Variants in ADAMTS17 observed in about 807,000 individuals in gnomAD.
ADAMTS17 encodes A disintegrin and metalloproteinase with thrombospondin motifs 17.
ADAMTS17 carries 113 observed loss-of-function variants against 141.5 expected under a neutral mutation model. The observed-to-expected ratio is 0.80, with a 90% confidence interval of 0.69 to 0.93. The LOEUF (loss-of-function observed/expected upper bound fraction) is 0.93. Ranked by LOEUF, ADAMTS17 falls within the 40% of genes least tolerant of loss-of-function variation. The pLI is 0.00. For missense variants in ADAMTS17, 1,659 were observed against 1,517.9 expected (o/e 1.09, Z -1.54); for synonymous variants, 768 against 630.6 (o/e 1.22, Z -3.27).
chr15:100,222,787 C>A (rs565806954), intron 7 of ADAMTS17, among the ~76,000 whole-genome samples: 1 of 152,238 alleles, frequency 6.6e-6, no homozygotes, highest in Non-Finnish European at 1.5e-5. Context: ...ATGATGCCAA[C>A]GTGGCTGCCA....
chr15:100,059,172 T>C (rs745442761), intron 15 of ADAMTS17, among the ~76,000 whole-genome samples: 1 of 152,128 alleles, frequency 6.6e-6, no homozygotes, highest in Non-Finnish European at 1.5e-5. Context: ...AGCCGATGAG[T>C]TGGAGAACTC....
chr15:100,056,993 C>T (rs1273366004), intron 15 of ADAMTS17, among the ~76,000 whole-genome samples: 3 of 152,024 alleles, frequency 2.0e-5, no homozygotes, highest in South Asian at 2.1e-4. Flanking sequence ...TTCAGCTGAG[C>T]GTGTAAGACA....
intron 14 of ADAMTS17, among the ~76,000 whole-genome samples, chr15:100,099,148 G>T (rs1220948953): frequency 6.6e-6 from 1 of 152,164 alleles, no homozygotes; most frequent in Non-Finnish European, 1.5e-5. Flanking sequence ...ATACAGCGTT[G>T]CCCTTTCAGT....
chr15:100,043,204 C>T (rs930308058), intron 18 of ADAMTS17, among the ~76,000 whole-genome samples: 3 of 152,136 alleles, frequency 2.0e-5, no homozygotes, highest in Non-Finnish European at 4.4e-5. Context: ...GGGCAGGGAG[C>T]CAGGCACTTG....
At chr15:100,245,479 C>T (rs2042958963) in intron 7 of ADAMTS17, among the ~76,000 whole-genome samples, 1 of 152,208 alleles carries the variant, frequency 6.6e-6, no homozygotes, top group Admixed American at 6.5e-5. Flanking sequence ...CTGTCTAGTT[C>T]CAAAGTAAAT....
intron 15 of ADAMTS17, chr15:100,074,262 CT>C (rs1443676314): frequency 6.6e-6 from 1 of 152,166 alleles, no homozygotes; most frequent in East Asian, 1.9e-4. Flanking sequence ...GAATGTACAC[CT>C]TTGTTTTGTT....
At chr15:100,051,473 G>T in intron 17 of ADAMTS17, 99 bp downstream of exon 17, 2 of 1,520,046 alleles carry the variant, frequency 1.3e-6, no homozygotes, top group Non-Finnish European at 1.8e-6. Flanking sequence ...GGAGCTACAG[G>T]TTGCAGATGT....
intron 3 of ADAMTS17, among the ~76,000 whole-genome samples, chr15:100,296,427 CAA>C (rs956853016): frequency 2.6e-5 from 4 of 151,284 alleles, no homozygotes; most frequent in African/African-American, 4.9e-5. Flanking sequence ...TTTTTTTTTC[CAA>C]AAGGCAAAAA....
chr15:100,113,377 G>C (rs1217370110), intron 13 of ADAMTS17, among the ~76,000 whole-genome samples: 2 of 152,176 alleles, frequency 1.3e-5, no homozygotes, highest in Non-Finnish European at 2.9e-5. Context: ...GTGAGCTCTA[G>C]GTAGTGTCAG....
intron 2 of ADAMTS17, among the ~76,000 whole-genome samples, chr15:100,335,899 G>A (rs567551689): frequency 2.0e-5 from 3 of 152,270 alleles, no homozygotes; most frequent in African/African-American, 7.2e-5. Flanking sequence ...ATGCATCTGG[G>A]GACCTGTGCA....
chr15:100,316,168 T>C (rs542607611), intron 3 of ADAMTS17, among the ~76,000 whole-genome samples: 19 of 152,316 alleles, frequency 1.2e-4, no homozygotes, highest in South Asian at 4.1e-4. Flanking sequence ...GCACTGTGCA[T>C]TGATGGAATC....
intron 3 of ADAMTS17, among the ~76,000 whole-genome samples, chr15:100,312,462 G>T (rs1287833885): frequency 6.6e-6 from 1 of 152,208 alleles, no homozygotes; most frequent in Admixed American, 6.5e-5. Flanking sequence ...GAAACTGATT[G>T]CAGACTTCTG....
At chr15:100,267,602 T>A (rs1054106754) in intron 4 of ADAMTS17, among the ~76,000 whole-genome samples, 1 of 152,152 alleles carries the variant, frequency 6.6e-6, no homozygotes, top group African/African-American at 2.4e-5. Context: ...ATGCTGAAGT[T>A]TGGGATACGA....
intron 8 of ADAMTS17, among the ~76,000 whole-genome samples, chr15:100,156,924 A>G (rs1316887439): frequency 6.6e-6 from 1 of 152,238 alleles, no homozygotes; most frequent in Admixed American, 6.5e-5. Context: ...ACACTGCTAT[A>G]AAGTGTTTCA....
intron 3 of ADAMTS17, among the ~76,000 whole-genome samples, chr15:100,321,713 T>A (rs1022837208): frequency 6.6e-6 from 1 of 152,112 alleles, no homozygotes; most frequent in Non-Finnish European, 1.5e-5. Context: ...CAGAGATCAA[T>A]AGAATTAAAA....
At chr15:100,301,339 A>ATATTTT (rs368057785) in intron 3 of ADAMTS17, among the ~76,000 whole-genome samples, 3 of 150,752 alleles carry the variant, frequency 2.0e-5, no homozygotes, top group African/African-American at 7.3e-5. Flanking sequence ...ATATATATAT[A>ATATTTT]TTTTTCTGAG....
At position 100,108,989 on chromosome 15, in the gene ADAMTS17, CT is replaced by C; in HGVS notation, c.2015del (p.Gln672ArgfsTer31). 1 of 1,613,978 alleles carries C rather than the reference CT, an allele frequency of 6.2e-7. No homozygotes were observed. Among genetic ancestry groups the C allele is most frequent in the Non-Finnish European group, 8.5e-7 (1 of 1,180,004 alleles). ...ETDLCVHGKC[Q>X]KIGCDGIIGS... The stretch of plus-strand genomic sequence containing the variant: ...AAGGACCGAAGGAGAAGTACGTCAC[CT>C]GGCACTTGCCGTGCACGCAGAGATC... On this transcript the variant is annotated frameshift_variant and splice_region_variant, in exon 14 of 22. Coordinates refer to ENST00000268070, the MANE Select transcript of ADAMTS17 (RefSeq NM_139057.4). LOFTEE classifies it high-confidence loss of function.
chr15:100,102,209 TG>T (rs571058405), intron 14 of ADAMTS17, among the ~76,000 whole-genome samples: 3 of 152,224 alleles, frequency 2.0e-5, no homozygotes, highest in Non-Finnish European at 4.4e-5. Context: ...TTCATGCTGC[TG>T]GTTTTCTTCA....
chr15:100,041,675 G>A (rs1276215254), intron 18 of ADAMTS17, among the ~76,000 whole-genome samples: 1 of 152,172 alleles, frequency 6.6e-6, no homozygotes, highest in Non-Finnish European at 1.5e-5. Context: ...TTGTGTTGGT[G>A]TGTGAGATGC....
Sources: gnomAD v4.1 joint callset for allele counts (sites outside exome capture counted in the v4.1 genomes callset) on GRCh38, gnomAD v4.1.1 for gene constraint, MANE v1.5 for transcripts, NCBI Gene and HGNC (gene_info 2026-07-23, HGNC 2026-07-21) for gene names.